The following ADA variants were observed in gnomAD, a reference collection of about 807,000 sequenced individuals.
ADA encodes the protein adenosine aminohydrolase.
A neutral mutation model predicts 49.0 loss-of-function variants in ADA; 45 were observed. The observed-to-expected ratio is 0.92, with a 90% CI of 0.72 to 1.18. The LOEUF (loss-of-function observed/expected upper bound fraction) is 1.18, where lower values mean the gene tolerates loss of function less well. ADA is among the 50% of genes most tolerant of loss of function. The pLI, the probability that ADA is intolerant of heterozygous loss-of-function variation, is 0.00. For synonymous variants in ADA, 173 were observed against 184.2 expected, an observed-to-expected ratio of 0.94 and a Z score of 0.49; for missense variants, 445 against 472.5, an observed-to-expected ratio of 0.94 and a Z score of 0.54.
chr20:44,625,802 A>C, intron 4 of ADA, 118 bp from the exon 5 acceptor site: 4 of 799,228 alleles, frequency 5.0e-6, no homozygotes, highest in Middle Eastern at 3.0e-4. Context: ...TCCCCCACTG[A>C]CCCACTGCCT....
chr20:44,647,670 C>A lies in ADA; in HGVS notation c.33+3905G>T, dbSNP rs561313014. On this transcript the variant is annotated intron_variant, in intron 1 of 11. Transcript: ENST00000372874. ...CAGTGGCTCACACCTGTAATCCCAGCGCTTTGGGAAGCCAAGGTGGGAGGA... is the reference window on the plus strand; with the variant it reads ...CAGTGGCTCACACCTGTAATCCCAGAGCTTTGGGAAGCCAAGGTGGGAGGA... Among the ~76,000 whole-genome samples the A allele has an allele frequency of 5.9e-5, 9 of 152,046 alleles. 1 individual carries two copies. Among genetic ancestry groups the A allele is most frequent in the African/African-American group, 9.7e-5 (4 of 41,318 alleles).
At chr20:44,637,290 T>C (rs1468540650) in intron 1 of ADA, among the ~76,000 whole-genome samples, 2 of 152,160 alleles carry the variant, frequency 1.3e-5, no homozygotes, top group Admixed American at 6.6e-5. Flanking sequence ...TGAGCCTCAG[T>C]TTCCTCAACT....
chr20:44,625,501 C>T, intron 5 of ADA, 68 bp downstream of exon 5: 2 of 1,420,542 alleles, frequency 1.4e-6, no homozygotes, highest in Non-Finnish European at 1.9e-6. Context: ...TACAGCCCCA[C>T]TGCTAGGCCA....
Position 44,619,859 on chromosome 20 carries a change from T to C in ADA, c.1079-12A>G. The C allele has an allele frequency of 6.2e-7, 1 of 1,614,094 alleles. No individual in the cohort carries two copies. Among genetic ancestry groups the C allele is most frequent in the Non-Finnish European group, 8.5e-7 (1 of 1,180,016 alleles). ...TCAGAGGTTCTGCCCTGCTCGTTGG[T>C]TCAGAGAAGCAAAAAGATCAGGCAA... On this transcript the variant is annotated splice_polypyrimidine_tract_variant and intron_variant, in intron 11 of 11. Coordinates refer to ENST00000372874, the MANE Select transcript of ADA (RefSeq NM_000022.4).
rs1180509263 is a variant in ADA at position 44,620,283 on chromosome 20, C to G, written c.1078+16G>C. The stretch of plus-strand genomic sequence containing the variant: ...CAGGACAGGGCAACTGCCCAGAAGC[C>G]CAGACAGGAACCTACCTGCAGAGGC... On this transcript the variant is annotated intron_variant, in intron 11 of 11. Coordinates refer to ENST00000372874, the MANE Select transcript of ADA (RefSeq NM_000022.4). The G allele has an allele frequency of 6.2e-7, 1 of 1,611,056 alleles. No homozygotes were observed. Among genetic ancestry groups the G allele is most frequent in the Non-Finnish European group, 8.5e-7 (1 of 1,177,696 alleles).
chr20:44,636,168 G>A, intron 2 of ADA, 59 bp downstream of exon 2: 4 of 1,458,016 alleles, frequency 2.7e-6, no homozygotes, highest in Non-Finnish European at 3.8e-6. Context: ...GGGCCTCTGG[G>A]TGGAGCTGGG....
intron 2 of ADA, chr20:44,636,025 A>G (rs1189963419): frequency 2.0e-5 from 12 of 601,762 alleles, no homozygotes; most frequent in Non-Finnish European, 3.3e-5. Flanking sequence ...AGGCCCAGAA[A>G]GCTCAGGAGT....
intron 11 of ADA, 57 bp downstream of exon 11, chr20:44,620,242 A>C: frequency 6.8e-7 from 1 of 1,465,346 alleles, no homozygotes; most frequent in Admixed American, 1.7e-5. Context: ...AGTCCCACAG[A>C]AAGCCACACT....
rs143994742 is a variant in ADA at position 44,641,225 on chromosome 20, C to A, written c.34-4937G>T. Among the ~76,000 whole-genome samples, 739 of 152,180 alleles carry A rather than the reference C, an allele frequency of 4.9e-3. 8 individuals carry two copies. The highest frequency in any genetic ancestry group is 0.022 in the East Asian group (113 of 5,182). On this transcript the variant is annotated intron_variant, in intron 1 of 11. Transcript: ENST00000372874. ...CTGGCCAGTTCCCAAGGCCTCAACC[C>A]CATCTGAGGTCAATTAAAGAAAAAT...
At chr20:44,636,358 A>T in intron 1 of ADA, 70 bp from the exon 2 acceptor site, 1 of 1,302,554 alleles carries the variant, frequency 7.7e-7, no homozygotes, top group African/African-American at 1.5e-5. Flanking sequence ...TTCACGAAGG[A>T]CCTTTCAGAG....
In ADA at chr20:44,651,563, G is replaced by A; in HGVS notation, c.33+12C>T. On this transcript the variant is annotated intron_variant, in intron 1 of 11. Coordinates refer to ENST00000372874, the MANE Select transcript of ADA (RefSeq NM_000022.4). ...CCGGACCCCCGTCCCCGGAGCCCCC[G>A]CGCGCGCTCACTTTGGGCTTGTCGA... 6.5e-7 allele frequency: 1 copy of A among 1,535,438 alleles called. No individual in the cohort carries two copies. Among genetic ancestry groups the A allele is most frequent in the Non-Finnish European group, 8.7e-7 (1 of 1,147,390 alleles).
intron 2 of ADA, among the ~76,000 whole-genome samples, chr20:44,632,883 G>A (rs1015488943): frequency 2.0e-5 from 3 of 152,200 alleles, no homozygotes; most frequent in Admixed American, 6.5e-5. Context: ...TAGTAGACAC[G>A]GGGTTTCCCC....
chr20:44,620,247 C>T (rs2123507330), intron 11 of ADA, 52 bp downstream of exon 11: 3 of 1,502,750 alleles, frequency 2.0e-6, no homozygotes, highest in East Asian at 2.3e-5. Flanking sequence ...CACAGAAAGC[C>T]ACACTGGGGC....
chr20:44,645,284 G>A (rs895703670), intron 1 of ADA, among the ~76,000 whole-genome samples: 1 of 150,854 alleles, frequency 6.6e-6, no homozygotes, highest in African/African-American at 2.5e-5. Flanking sequence ...CATGAACCCA[G>A]GAGGCAGAGG....
At chr20:44,634,514 C>T (rs903121457) in intron 2 of ADA, among the ~76,000 whole-genome samples, 50 of 152,226 alleles carry the variant, frequency 3.3e-4, no homozygotes, top group African/African-American at 1.1e-3. Flanking sequence ...CCACCTACCA[C>T]GGCTCAGTCT....
chr20:44,625,786 C>T (rs558731987), intron 4 of ADA, 102 bp from the exon 5 acceptor site: 1 of 936,252 alleles, frequency 1.1e-6, no homozygotes, highest in Non-Finnish European at 1.7e-6. Flanking sequence ...TTGGGGAGGA[C>T]CCTCCTCCCC....
chr20:44,619,984 G>GA, intron 11 of ADA, 137 bp from the exon 12 acceptor site: 2 of 1,215,142 alleles, frequency 1.6e-6, no homozygotes, highest in Non-Finnish European at 2.4e-6. Flanking sequence ...GACCACATAG[G>GA]AAGAAAGGAG....
In ADA at chr20:44,625,587, A is replaced by G; in HGVS notation, c.460T>C (p.Cys154Arg). Residue 154 changes from cysteine to arginine, a missense_variant, in exon 5 of 12, where the codon TGC becomes CGC. By Grantham distance (180) the Cys-to-Arg change is radical. Transcript: ENST00000372874. ...FGVKARSILCCMRHQPNWSPK... is the reference protein window; with the variant it reads ...FGVKARSILCRMRHQPNWSPK... Reference sequence around the variant, plus strand: ...TACTCACTGGGCTGGTGGCGCATGCAGCACAGGATGGACCGGGCCTTGACC... The same window carrying G: ...TACTCACTGGGCTGGTGGCGCATGCGGCACAGGATGGACCGGGCCTTGACC... 1 of 1,585,700 alleles carries G rather than the reference A, an allele frequency of 6.3e-7. No individual in the cohort carries two copies. Among genetic ancestry groups the G allele is most frequent in the Non-Finnish European group, 8.6e-7 (1 of 1,166,204 alleles).
rs121908725 is a variant in ADA at position 44,636,279 on chromosome 20, G to C, written c.43C>G (p.His15Asp). 17 of 1,607,832 alleles carry C rather than the reference G, an allele frequency of 1.1e-5. No individual in the cohort carries two copies. The highest frequency in any genetic ancestry group is 1.2e-5 in the Non-Finnish European group (14 of 1,176,694). ...PAFDKPKVELHVHLDGSIKPE... is the reference protein window; with the variant it reads ...PAFDKPKVELDVHLDGSIKPE... Reference sequence around the variant, plus strand: ...TTGATGGATCCGTCTAGGTGGACATGCAGTTCCACCTGCAAGGGGGCAGGG... The same window carrying C: ...TTGATGGATCCGTCTAGGTGGACATCCAGTTCCACCTGCAAGGGGGCAGGG... Residue 15 changes from histidine (H) to aspartate (D), a missense_variant, in exon 2 of 12, where the codon CAT becomes GAT. Coordinates refer to ENST00000372874, the MANE Select transcript of ADA (RefSeq NM_000022.4).
Sources: allele counts gnomAD v4.1 joint callset (sites outside exome capture counted in the v4.1 genomes callset), GRCh38; gene constraint gnomAD v4.1.1; transcripts MANE v1.5; gene names NCBI Gene and HGNC (gene_info 2026-07-23, HGNC 2026-07-21).